Variants in STIM1 observed in about 807,000 individuals in gnomAD.
STIM1 encodes stromal interaction molecule 1.
A neutral mutation model predicts 74.7 loss-of-function variants in STIM1; 25 were observed. That is an observed-to-expected ratio of 0.33 (90% CI 0.24 to 0.47). STIM1 has a LOEUF of 0.47. Ranked by LOEUF, STIM1 falls within the 20% of genes least tolerant of loss-of-function variation. The pLI, the probability that STIM1 is intolerant of heterozygous loss-of-function variation, is 1.00. For missense variants in STIM1, 728 were observed against 920.8 expected, an observed-to-expected ratio of 0.79 and a Z score of 2.71; for synonymous variants, 328 against 348.8, an observed-to-expected ratio of 0.94 and a Z score of 0.66.
intron 5 of STIM1, among the ~76,000 whole-genome samples, 192 bp from the exon 6 acceptor site, chr11:4,069,834 A>G (rs1028382615): frequency 3.3e-5 from 5 of 152,230 alleles, no homozygotes. Flanking sequence ...AGCCTTGGCT[A>G]GCAGAGAGAT....
Position 4,091,113 on chromosome 11 carries a change from T to C in STIM1, c.1635-169T>C, listed in dbSNP as rs1467906691. On this transcript the variant is annotated intron_variant, in intron 12 of 12. Transcript: ENST00000526596. ...TCAACTTCTGTCTATTCCTCTTTCCTCTCTCCTTCCCACCTGCCTGTTCAT... is the reference window on the plus strand; with the variant it reads ...TCAACTTCTGTCTATTCCTCTTTCCCCTCTCCTTCCCACCTGCCTGTTCAT... Among the ~76,000 whole-genome samples the C allele has an allele frequency of 5.9e-5, 9 of 152,152 alleles. No homozygotes were observed. The East Asian group carries it at 1.4e-3, about 23-fold the overall frequency.
intron 1 of STIM1, among the ~76,000 whole-genome samples, chr11:3,880,170 A>G (rs1232822495): frequency 6.6e-6 from 1 of 152,204 alleles, no homozygotes; most frequent in African/African-American, 2.4e-5. Flanking sequence ...TCTGAGCCTT[A>G]GGGCCACTGA....
At chr11:3,972,794 G>A (rs147545446) in intron 2 of STIM1, 259 of 451,880 alleles carry the variant, frequency 5.7e-4, no homozygotes, top group African/African-American at 4.3e-3. Context: ...GTATTTTTCT[G>A]GCAGTAATTA....
intron 7 of STIM1, among the ~76,000 whole-genome samples, chr11:4,077,175 C>G (rs554144001): frequency 2.0e-5 from 3 of 151,430 alleles, no homozygotes; most frequent in Non-Finnish European, 4.4e-5. Context: ...GGATTTAGGT[C>G]ATGAAGTATT....
At chr11:3,993,305 G>T (rs577543299) in intron 2 of STIM1, among the ~76,000 whole-genome samples, 1 of 152,042 alleles carries the variant, frequency 6.6e-6, no homozygotes, top group Non-Finnish European at 1.5e-5. Flanking sequence ...AGCTTTTGCC[G>T]CTGCCTGGAC....
At chr11:3,879,044 C>A (rs976634854) in intron 1 of STIM1, among the ~76,000 whole-genome samples, 5 of 152,140 alleles carry the variant, frequency 3.3e-5, no homozygotes, top group Non-Finnish European at 7.4e-5. Context: ...CAACCTCCGC[C>A]TCCCGGGTTC....
Position 4,012,693 on chromosome 11 carries a change from T to A in STIM1, c.271-11180T>A, listed in dbSNP as rs370658372. Among the ~76,000 whole-genome samples the A allele has an allele frequency of 2.0e-4, 31 of 152,290 alleles. No individual in the cohort carries two copies. The East Asian group carries it at 5.0e-3, about 25-fold the overall frequency. Reference sequence around the variant, plus strand: ...AAACAGGGACAATTTGACTTCCTCTTTTCCTAATTGAATACCCTTTATTTC... The same window carrying A: ...AAACAGGGACAATTTGACTTCCTCTATTCCTAATTGAATACCCTTTATTTC... On this transcript the variant is annotated intron_variant, in intron 2 of 12. Transcript: ENST00000526596.
chr11:4,017,973 C>G (rs1386998297), intron 2 of STIM1, among the ~76,000 whole-genome samples: 1 of 152,198 alleles, frequency 6.6e-6, no homozygotes, highest in Non-Finnish European at 1.5e-5. Flanking sequence ...CTGTTCAAAT[C>G]CCTGTAACAG....
intron 1 of STIM1, among the ~76,000 whole-genome samples, chr11:3,872,396 C>G (rs2091134678): frequency 6.6e-6 from 1 of 152,152 alleles, no homozygotes; most frequent in Non-Finnish European, 1.5e-5. Context: ...TGTGGCTACA[C>G]TGGCATTACA....
rs141339383 is a variant in STIM1, at chr11:3,917,983, T to G, written c.140-49569T>G. On this transcript the variant is annotated intron_variant, in intron 1 of 12. Transcript: ENST00000526596. ...CTCTTTCTTTTGCAGGTGACGGAAA[T>G]ACAATTCAGACAGACTTAACCAAGA... Among the ~76,000 whole-genome samples the G allele has an allele frequency of 6.6e-5, 10 of 152,322 alleles. No individual in the cohort carries two copies. The East Asian group carries it at 1.9e-3, about 29-fold the overall frequency.
At chr11:4,049,324 AT>A (rs369097214) in intron 3 of STIM1, among the ~76,000 whole-genome samples, 1,365 of 133,864 alleles carry the variant, frequency 0.01, 15 homozygotes, top group Non-Finnish European at 0.014. Flanking sequence ...TATCAGCTGG[AT>A]TTTTTTTTTT....
At chr11:3,984,081 A>G (rs2093534312) in intron 2 of STIM1, among the ~76,000 whole-genome samples, 1 of 151,762 alleles carries the variant, frequency 6.6e-6, no homozygotes, top group African/African-American at 2.4e-5. Flanking sequence ...GGTCAGGCTG[A>G]TCTCGAACTC....
chr11:4,007,580 T>G (rs1362651190), intron 2 of STIM1, among the ~76,000 whole-genome samples: 11 of 152,178 alleles, frequency 7.2e-5, no homozygotes, highest in Middle Eastern at 3.2e-3. Context: ...CTAATAAGAC[T>G]GATAAAGGTA....
At chr11:3,858,811 CAG>C (rs1464572071) in intron 1 of STIM1, among the ~76,000 whole-genome samples, 2 of 152,214 alleles carry the variant, frequency 1.3e-5, no homozygotes, top group Admixed American at 6.5e-5. Flanking sequence ...GTTTTTCCAA[CAG>C]AGTCTCACAA....
intron 3 of STIM1, among the ~76,000 whole-genome samples, chr11:4,039,590 A>G (rs2094132152): frequency 1.3e-5 from 2 of 150,826 alleles, no homozygotes; most frequent in South Asian, 4.2e-4. Context: ...CATCTCAAAA[A>G]AAAAAAAAAA....
intron 1 of STIM1, among the ~76,000 whole-genome samples, chr11:3,953,645 C>T (rs1029622775): frequency 9.2e-5 from 14 of 152,170 alleles, no homozygotes; most frequent in African/African-American, 2.7e-4. Context: ...AAAAGAGCAA[C>T]GGCCTTTGAG....
chr11:3,914,766 T>C lies in STIM1; in HGVS notation c.140-52786T>C, dbSNP rs2092618977. Among the ~76,000 whole-genome samples, 3 of 152,296 alleles carry C rather than the reference T, an allele frequency of 2.0e-5. No homozygotes were observed. In the South Asian group the frequency reaches 6.2e-4, roughly 32 times the overall value. Reference sequence around the variant, plus strand: ...GTTTTCAATTTTTGGGAGTGTATCATAGGAGTGGAATTGTAGAATTGTATG... The same window carrying C: ...GTTTTCAATTTTTGGGAGTGTATCACAGGAGTGGAATTGTAGAATTGTATG... On this transcript the variant is annotated intron_variant, in intron 1 of 12. Transcript: ENST00000526596.
At chr11:4,083,712 T>C in intron 10 of STIM1, 1 of 594,062 alleles carries the variant, frequency 1.7e-6, no homozygotes, top group Non-Finnish European at 3.0e-6. Flanking sequence ...TGTGTGCCCC[T>C]TTGGGTCTAT....
intron 2 of STIM1, among the ~76,000 whole-genome samples, chr11:3,976,880 T>C (rs1565134185): frequency 6.6e-6 from 1 of 151,924 alleles, no homozygotes; most frequent in Non-Finnish European, 1.5e-5. Flanking sequence ...CTGCAACCTC[T>C]ACCTCCTGGG....
Sources: gnomAD v4.1 joint callset for allele counts (sites outside exome capture counted in the v4.1 genomes callset) on GRCh38, gnomAD v4.1.1 for gene constraint, MANE v1.5 for transcripts, NCBI Gene and HGNC (gene_info 2026-07-23, HGNC 2026-07-21) for gene names.